PARP8: variants seen among roughly 807,000 people sequenced by gnomAD.
PARP8 encodes protein mono-ADP-ribosyltransferase PARP8.
A neutral mutation model predicts 124.1 loss-of-function variants in PARP8; 51 were observed. The observed-to-expected ratio is 0.41, with a 90% CI of 0.33 to 0.52. PARP8 has a LOEUF of 0.52. PARP8 is among the 20% of genes least tolerant of loss of function. The pLI, the probability that PARP8 is intolerant of heterozygous loss-of-function variation, is 0.21. For synonymous variants in PARP8, 391 were observed against 361.5 expected, an observed-to-expected ratio of 1.08 and a Z score of -0.93; for missense variants, 860 against 1,018.9, an observed-to-expected ratio of 0.84 and a Z score of 2.12.
In PARP8 at chr5:50,751,117, T is replaced by C. The variant is rs535811832; in HGVS notation, c.184+929T>C. ...AGTACAGGACTTTAAGTCAAGGTAA[T>C]AGAAATAATAGTACAAATTAAAGCC... On this transcript the variant is annotated intron_variant, in intron 3 of 25. Transcript: ENST00000281631. Among the ~76,000 whole-genome samples, 72 of 152,024 alleles carry C rather than the reference T, an allele frequency of 4.7e-4. 1 individual carries two copies. The South Asian group carries it at 0.014, about 30-fold the overall frequency.
chr5:50,709,922 G>A (rs1243506966), intron 2 of PARP8, among the ~76,000 whole-genome samples: 3 of 93,928 alleles, frequency 3.2e-5, no homozygotes, highest in Non-Finnish European at 6.3e-5. Context: ...TAGAAAGAGT[G>A]TATATATATA....
At chr5:50,757,073 C>G (rs745826814) in intron 3 of PARP8, 27 of 432,640 alleles carry the variant, frequency 6.2e-5, no homozygotes, top group Non-Finnish European at 1.3e-4. Context: ...ATGCAACCAT[C>G]CATTGATGAA....
chr5:50,691,818 G>A (rs1313182824), intron 2 of PARP8, among the ~76,000 whole-genome samples: 1 of 152,138 alleles, frequency 6.6e-6, no homozygotes, highest in East Asian at 1.9e-4. Flanking sequence ...GCCAGTGCCT[G>A]ACTCCATTAG....
intron 7 of PARP8, among the ~76,000 whole-genome samples, chr5:50,772,321 A>G (rs1761707143): frequency 6.6e-6 from 1 of 152,232 alleles, no homozygotes. Context: ...ATGGGGGCAC[A>G]GATATCTCTT....
At position 50,679,358 on chromosome 5, in the gene PARP8, G is replaced by A. The variant is rs1390478426; in HGVS notation, c.146+11233G>A. On this transcript the variant is annotated intron_variant, in intron 2 of 25. Coordinates refer to ENST00000281631, the MANE Select transcript of PARP8 (RefSeq NM_024615.4). ...TTTTGGGTTCCTGATCTTCACCTGTGTCTTTAAAACAGATTATTTTCTTTA... is the reference window on the plus strand; with the variant it reads ...TTTTGGGTTCCTGATCTTCACCTGTATCTTTAAAACAGATTATTTTCTTTA... 4.6e-5 allele frequency among the ~76,000 whole-genome samples: 7 copies of A among 152,202 alleles called. No individual in the cohort carries two copies. The East Asian group carries it at 9.7e-4, about 21-fold the overall frequency.
chr5:50,735,737 C>T (rs565872195), intron 2 of PARP8, among the ~76,000 whole-genome samples: 56 of 152,042 alleles, frequency 3.7e-4, no homozygotes, highest in African/African-American at 1.2e-3. Context: ...TAGAGAAATA[C>T]GATCTAGTGG....
intron 25 of PARP8, among the ~76,000 whole-genome samples, chr5:50,836,999 C>G (rs1331322228): frequency 1.3e-5 from 2 of 151,508 alleles, no homozygotes; most frequent in Non-Finnish European, 2.9e-5. Flanking sequence ...TAGGCAGTAC[C>G]ATTTTTAGTA....
intron 14 of PARP8, among the ~76,000 whole-genome samples, chr5:50,808,930 C>T (rs1313706078): frequency 1.3e-5 from 2 of 151,872 alleles, no homozygotes; most frequent in East Asian, 3.9e-4. Flanking sequence ...AAAACCCTCC[C>T]CTAACCTTCA....
At chr5:50,831,482 A>T (rs1746980383) in intron 22 of PARP8, among the ~76,000 whole-genome samples, 1 of 152,194 alleles carries the variant, frequency 6.6e-6, no homozygotes, top group African/African-American at 2.4e-5. Context: ...TGAAAATACA[A>T]TATGCCAAAA....
chr5:50,676,835 G>A (rs971933311), intron 2 of PARP8, among the ~76,000 whole-genome samples: 1 of 152,104 alleles, frequency 6.6e-6, no homozygotes, highest in Non-Finnish European at 1.5e-5. Context: ...CACATTAGTC[G>A]GGAAGCAAAC....
chr5:50,670,199 C>G (rs1749846668), intron 2 of PARP8, among the ~76,000 whole-genome samples: 2 of 152,112 alleles, frequency 1.3e-5, no homozygotes, highest in Non-Finnish European at 2.9e-5. Context: ...ATTTAATGTG[C>G]TTATCAACTT....
chr5:50,776,061 T>A, intron 7 of PARP8, among the ~76,000 whole-genome samples: 1 of 152,218 alleles, frequency 6.6e-6, no homozygotes, highest in East Asian at 1.9e-4. Context: ...TGTGTTATGT[T>A]CCTTCTATAG....
chr5:50,796,426 A>C (rs776318673), intron 12 of PARP8, among the ~76,000 whole-genome samples: 21 of 152,322 alleles, frequency 1.4e-4, no homozygotes, highest in Non-Finnish European at 8.8e-5. Context: ...CATACGTTTT[A>C]AGGACATAGA....
Position 50,794,915 on chromosome 5 carries a change from A to G in PARP8, c.926A>G (p.Asp309Gly). ...KSKSKLKSEQ[D>G]GISKTHKLLR... The stretch of plus-strand genomic sequence containing the variant: ...AAATCCAAACTGAAATCTGAGCAGG[A>G]CGGAATCTCCAAAACGCATAAGCTG... The change falls in exon 12 of 26, where the codon GAC becomes GGC. Residue 309 changes from aspartate to glycine, a missense_variant. By Grantham distance (94) the Asp-to-Gly change is moderately conservative. Around this residue, in one of 2 missense-constraint regions of PARP8, gnomAD observed 517 missense variants for 544.2 expected, o/e 0.95. Transcript: ENST00000281631. 1 of 1,614,192 alleles carries G rather than the reference A, an allele frequency of 6.2e-7. No individual in the cohort carries two copies. Among genetic ancestry groups the G allele is most frequent in the Non-Finnish European group, 8.5e-7 (1 of 1,180,040 alleles).
chr5:50,744,044 A>G (rs1758301423), intron 2 of PARP8, among the ~76,000 whole-genome samples: 2 of 152,208 alleles, frequency 1.3e-5, no homozygotes, highest in South Asian at 4.1e-4. Flanking sequence ...GTGTTGTTGA[A>G]AAAGCATGAA....
chr5:50,760,899 G>T (rs1760479124), intron 5 of PARP8, among the ~76,000 whole-genome samples: 1 of 151,970 alleles, frequency 6.6e-6, no homozygotes, highest in Non-Finnish European at 1.5e-5. Flanking sequence ...GCAGTTCTTT[G>T]CTTTCAAAAT....
intron 7 of PARP8, among the ~76,000 whole-genome samples, chr5:50,776,213 C>G (rs533428650): frequency 6.6e-6 from 1 of 152,328 alleles, no homozygotes; most frequent in Admixed American, 6.5e-5. Context: ...GTTGAATCAT[C>G]TTGCACTCTC....
chr5:50,775,328 G>A (rs1008763227), intron 7 of PARP8, among the ~76,000 whole-genome samples: 3 of 152,242 alleles, frequency 2.0e-5, no homozygotes, highest in Admixed American at 6.5e-5. Flanking sequence ...GCCGAGGTGG[G>A]CAGATCACTC....
intron 2 of PARP8, among the ~76,000 whole-genome samples, chr5:50,740,154 G>T (rs1226833890): frequency 6.6e-6 from 1 of 152,142 alleles, no homozygotes; most frequent in Non-Finnish European, 1.5e-5. Flanking sequence ...GAAGAAAACA[G>T]GTGCCTTCTA....
Sources: gnomAD v4.1 joint callset for allele counts (sites outside exome capture counted in the v4.1 genomes callset) on GRCh38, gnomAD v4.1.1 for gene constraint, gnomAD v4.1.1 regional missense constraint, MANE v1.5 for transcripts, NCBI Gene and HGNC (gene_info 2026-07-23, HGNC 2026-07-21) for gene names.